The following AKAP6 variants were observed in gnomAD, a reference collection of about 807,000 sequenced individuals.
AKAP6 encodes the protein A-kinase anchor protein 6.
In AKAP6, 58 loss-of-function variants were observed where a neutral mutation model predicts 188.5. That is an observed-to-expected ratio of 0.31 (90% CI 0.25 to 0.38). AKAP6 has a LOEUF of 0.38. Among genes scored for constraint, AKAP6 ranks in the 10% least tolerant of loss-of-function variants. The probability of loss-of-function intolerance (pLI) is 1.00; values close to 1 mark genes in which losing one functional copy is unlikely to be tolerated. For synonymous variants in AKAP6, 989 were observed against 998.6 expected, an observed-to-expected ratio of 0.99 and a Z score of 0.18; for missense variants, 2,710 against 2,740.0, an observed-to-expected ratio of 0.99 and a Z score of 0.24.
At chr14:32,530,017 T>G (rs1882331321) in intron 2 of AKAP6, among the ~76,000 whole-genome samples, 1 of 151,122 alleles carries the variant, frequency 6.6e-6, no homozygotes, top group African/African-American at 2.4e-5. Flanking sequence ...TAAGACAGTT[T>G]TTTTTTGGAG....
At chr14:32,478,989 T>A (rs1340339617) in intron 2 of AKAP6, among the ~76,000 whole-genome samples, 2 of 152,116 alleles carry the variant, frequency 1.3e-5, no homozygotes, top group African/African-American at 4.8e-5. Flanking sequence ...AGATGAGAAT[T>A]TGACATGTTA....
chr14:32,642,151 C>T (rs1887785768), intron 7 of AKAP6, among the ~76,000 whole-genome samples: 1 of 152,108 alleles, frequency 6.6e-6, no homozygotes, highest in Admixed American at 6.6e-5. Flanking sequence ...AAAATAACTT[C>T]AGTGCTATCT....
At chr14:32,518,377 C>T (rs1026630204) in intron 2 of AKAP6, among the ~76,000 whole-genome samples, 17 of 152,226 alleles carry the variant, frequency 1.1e-4, no homozygotes, top group South Asian at 2.1e-4. Flanking sequence ...TTCAGAGGAT[C>T]GGTAATAACA....
intron 4 of AKAP6, among the ~76,000 whole-genome samples, chr14:32,553,944 A>G (rs980846955): frequency 3.3e-5 from 5 of 152,234 alleles, no homozygotes; most frequent in Non-Finnish European, 5.9e-5. Context: ...AGCGAAGTCA[A>G]GTAATGGAAA....
chr14:32,482,109 G>A (rs543772165), intron 2 of AKAP6, among the ~76,000 whole-genome samples: 7 of 152,170 alleles, frequency 4.6e-5, no homozygotes, highest in African/African-American at 1.7e-4. Context: ...CCCTTGCTTA[G>A]GGGGTCATCC....
chr14:32,453,336 G>C (rs1033573985), intron 2 of AKAP6, among the ~76,000 whole-genome samples: 2 of 152,104 alleles, frequency 1.3e-5, no homozygotes, highest in Non-Finnish European at 2.9e-5. Flanking sequence ...TCTATCCAGC[G>C]TCCTTTCCTC....
intron 11 of AKAP6, among the ~76,000 whole-genome samples, chr14:32,767,349 A>G (rs1212450443): frequency 2.6e-5 from 4 of 152,174 alleles, no homozygotes; most frequent in Non-Finnish European, 5.9e-5. Context: ...TTTCTGTCAT[A>G]TCACCCTGTT....
chr14:32,467,142 CT>C (rs566899303), intron 2 of AKAP6, among the ~76,000 whole-genome samples: 59 of 150,806 alleles, frequency 3.9e-4, no homozygotes, highest in Middle Eastern at 3.4e-3. Context: ...CACCAAACTC[CT>C]GTGACACACA....
At chr14:32,379,129 C>T (rs1221682182) in intron 1 of AKAP6, among the ~76,000 whole-genome samples, 2 of 152,046 alleles carry the variant, frequency 1.3e-5, no homozygotes, top group African/African-American at 2.4e-5. Flanking sequence ...CCATGTTGGC[C>T]AGGCTGGTCT....
intron 2 of AKAP6, among the ~76,000 whole-genome samples, chr14:32,475,246 G>A (rs1879000149): frequency 1.3e-5 from 2 of 152,136 alleles, no homozygotes; most frequent in South Asian, 4.1e-4. Context: ...GGAAACTGAG[G>A]CACAGAGGTT....
At chr14:32,366,821 T>A (rs1594545795) in intron 1 of AKAP6, among the ~76,000 whole-genome samples, 1 of 152,146 alleles carries the variant, frequency 6.6e-6, no homozygotes, top group East Asian at 1.9e-4. Context: ...ATTGTGAAAA[T>A]TGAGGTGTTC....
Position 32,835,963 on chromosome 14 carries a change from T to C in AKAP6, c.*6158T>C, listed in dbSNP as rs2034871085. 6.6e-6 allele frequency: 1 copy of C among 152,244 alleles called. No homozygotes were observed. Among genetic ancestry groups the C allele is most frequent in the Non-Finnish European group, 1.5e-5 (1 of 68,036 alleles). 9.4% of individuals were successfully genotyped at this position (152,244 alleles called of 1,614,324 possible). A position where few individuals can be genotyped will look rare whatever the true frequency, so the allele number is the denominator to read the frequency against. ...TGGGCAGGTCAGGCCCACAATAGTA[T>C]GGTTTCTTTGGCAAAGGCATTTTGG... On this transcript the variant is annotated 3_prime_UTR_variant, in exon 14 of 14. Transcript: ENST00000280979.
chr14:32,572,104 G>C (rs1884516037), intron 4 of AKAP6, among the ~76,000 whole-genome samples: 1 of 152,184 alleles, frequency 6.6e-6, no homozygotes, highest in African/African-American at 2.4e-5. Context: ...TCCATGACCT[G>C]GGTCTGATAA....
At chr14:32,534,732 G>A (rs955757524) in intron 2 of AKAP6, among the ~76,000 whole-genome samples, 5 of 151,992 alleles carry the variant, frequency 3.3e-5, no homozygotes, top group Non-Finnish European at 5.9e-5. Flanking sequence ...TTGGGAGGCT[G>A]AGGTGGGTGG....
intron 7 of AKAP6, among the ~76,000 whole-genome samples, chr14:32,611,266 A>G (rs189261176): frequency 5.9e-5 from 9 of 152,298 alleles, no homozygotes; most frequent in African/African-American, 1.9e-4. Context: ...GAAAGGGAAG[A>G]TAATTAACTC....
chr14:32,535,470 T>C, intron 2 of AKAP6, 84 bp from the exon 3 acceptor site: 1 of 1,474,784 alleles, frequency 6.8e-7, no homozygotes, highest in Admixed American at 1.9e-5. Flanking sequence ...TGGTGTTAGG[T>C]AAGAGTGTAC....
At chr14:32,657,851 T>C (rs1888518461) in intron 7 of AKAP6, among the ~76,000 whole-genome samples, 1 of 152,012 alleles carries the variant, frequency 6.6e-6, no homozygotes, top group Non-Finnish European at 1.5e-5. Flanking sequence ...AAAAAATCTA[T>C]ACAGCATATG....
intron 2 of AKAP6, among the ~76,000 whole-genome samples, chr14:32,455,802 A>G (rs1050081241): frequency 6.6e-6 from 1 of 152,064 alleles, no homozygotes; most frequent in Non-Finnish European, 1.5e-5. Context: ...TCCTATTTTA[A>G]AATTATATAA....
chr14:32,715,723 A>G (rs2030157457), intron 9 of AKAP6, among the ~76,000 whole-genome samples: 1 of 151,838 alleles, frequency 6.6e-6, no homozygotes, highest in African/African-American at 2.4e-5. Context: ...GTGACAAACC[A>G]TATAGCTTTT....
Sources: gnomAD v4.1 joint callset for allele counts (sites outside exome capture counted in the v4.1 genomes callset) on GRCh38, gnomAD v4.1.1 for gene constraint, MANE v1.5 for transcripts, NCBI Gene and HGNC (gene_info 2026-07-23, HGNC 2026-07-21) for gene names.